Variants in NTRK3 observed in about 807,000 individuals in gnomAD.
The protein encoded by NTRK3 is neurotrophic receptor tyrosine kinase 3.
A neutral mutation model predicts 91.7 loss-of-function variants in NTRK3; 24 were observed. The observed-to-expected ratio is 0.26, with a 90% confidence interval of 0.19 to 0.37. NTRK3 has a LOEUF of 0.37. Ranked by LOEUF, NTRK3 falls within the 10% of genes least tolerant of loss-of-function variation. NTRK3 has a pLI of 1.00. For synonymous variants in NTRK3, 483 were observed against 404.0 expected (o/e 1.20, Z -2.34); for missense variants, 880 against 1,068.9 (o/e 0.82, Z 2.46).
intron 14 of NTRK3, among the ~76,000 whole-genome samples, chr15:88,030,555 G>C (rs1283056107): frequency 6.6e-6 from 1 of 152,170 alleles, no homozygotes; most frequent in Non-Finnish European, 1.5e-5. Flanking sequence ...CAGGAATCCA[G>C]AGCTTCCACT....
chr15:88,192,847 C>A (rs2047523281), intron 3 of NTRK3, among the ~76,000 whole-genome samples: 1 of 152,164 alleles, frequency 6.6e-6, no homozygotes, highest in Non-Finnish European at 1.5e-5. Context: ...GAAGCCTGCC[C>A]TGACCCCACT....
At chr15:88,042,528 T>C (rs1158269510) in intron 13 of NTRK3, among the ~76,000 whole-genome samples, 1 of 152,196 alleles carries the variant, frequency 6.6e-6, no homozygotes, top group African/African-American at 2.4e-5. Flanking sequence ...TCCGCTCCTC[T>C]CCCTGAATCA....
chr15:88,080,222 T>C (rs1048784725), intron 13 of NTRK3, among the ~76,000 whole-genome samples: 2 of 152,228 alleles, frequency 1.3e-5, no homozygotes, highest in Admixed American at 6.5e-5. Context: ...GTAAGTAACA[T>C]GCCAAAACAT....
At chr15:88,236,723 G>A (rs1224699638) in intron 3 of NTRK3, among the ~76,000 whole-genome samples, 8 of 139,924 alleles carry the variant, frequency 5.7e-5, no homozygotes, top group African/African-American at 1.1e-4. Context: ...CTATAAATTC[G>A]CCCATGAAAC....
chr15:88,069,294 T>C (rs1420546124), intron 13 of NTRK3, among the ~76,000 whole-genome samples: 2 of 152,204 alleles, frequency 1.3e-5, no homozygotes, highest in African/African-American at 4.8e-5. Context: ...GAGCTCATGG[T>C]AGAGCACCCC....
intron 14 of NTRK3, among the ~76,000 whole-genome samples, chr15:87,949,424 G>A (rs1431517594): frequency 1.3e-5 from 2 of 151,986 alleles, no homozygotes; most frequent in East Asian, 1.9e-4. Flanking sequence ...TGCACCCTTA[G>A]GCTAGAGGTA....
chr15:87,914,389 C>G (rs1374171095), intron 17 of NTRK3, among the ~76,000 whole-genome samples: 1 of 152,138 alleles, frequency 6.6e-6, no homozygotes, highest in Non-Finnish European at 1.5e-5. Context: ...TTGGTGATAC[C>G]AGTGCATCTT....
chr15:88,197,855 C>T (rs1166777553), intron 3 of NTRK3, among the ~76,000 whole-genome samples: 4 of 152,120 alleles, frequency 2.6e-5, no homozygotes, highest in Non-Finnish European at 2.9e-5. Flanking sequence ...CTTCCCTGTA[C>T]TATTTTTGGA....
intron 13 of NTRK3, among the ~76,000 whole-genome samples, chr15:88,033,328 T>C (rs1487696935): frequency 6.7e-6 from 1 of 149,760 alleles, no homozygotes; most frequent in Non-Finnish European, 1.5e-5. Flanking sequence ...TTCTTTTAAA[T>C]GAAATAGAGT....
intron 5 of NTRK3, among the ~76,000 whole-genome samples, chr15:88,173,836 C>A (rs1013881417): frequency 6.6e-6 from 1 of 152,244 alleles, no homozygotes; most frequent in Non-Finnish European, 1.5e-5. Flanking sequence ...GGCAAGCAAC[C>A]TGGAGTTGGT....
intron 13 of NTRK3, among the ~76,000 whole-genome samples, chr15:88,121,977 C>T (rs2052759988): frequency 6.6e-6 from 1 of 152,204 alleles, no homozygotes; most frequent in African/African-American, 2.4e-5. Context: ...TGAGACAAAG[C>T]ATGTTCGGTT....
At chr15:87,895,908 A>C (rs918655308) in intron 17 of NTRK3, among the ~76,000 whole-genome samples, 1 of 151,950 alleles carries the variant, frequency 6.6e-6, no homozygotes. Flanking sequence ...CCAGATCTTC[A>C]GATAAATTCA....
In NTRK3 at chr15:88,114,598, G is replaced by C. The variant is rs1172336885; in HGVS notation, c.1396+11673C>G. On this transcript the variant is annotated intron_variant, in intron 13 of 18. Transcript: ENST00000394480. ...TGATACTAACTCATCTCAAAGACAG[G>C]CTGTTAGCAGAAATAATGTGGCACA... Among the ~76,000 whole-genome samples, 3 of 152,164 alleles carry C rather than the reference G, an allele frequency of 2.0e-5. No homozygotes were observed. In the East Asian group the frequency reaches 5.8e-4, roughly 29 times the overall value.
chr15:88,172,621 A>C (rs2045621283), intron 5 of NTRK3, among the ~76,000 whole-genome samples: 1 of 152,236 alleles, frequency 6.6e-6, no homozygotes, highest in African/African-American at 2.4e-5. Context: ...CAGAAAGAAC[A>C]GTCTCCAAGA....
intron 6 of NTRK3, among the ~76,000 whole-genome samples, chr15:88,142,314 G>C (rs989226818): frequency 1.3e-5 from 2 of 152,224 alleles, no homozygotes; most frequent in East Asian, 3.9e-4. Flanking sequence ...TAATAATACA[G>C]CAGCAGCTGC....
rs913854524 is a variant in NTRK3 at position 88,233,474 on chromosome 15, T to G, written c.248+22432A>C. Among the ~76,000 whole-genome samples, 8 of 152,062 alleles carry G rather than the reference T, an allele frequency of 5.3e-5. No individual in the cohort carries two copies. Among genetic ancestry groups the G allele is most frequent in the Non-Finnish European group, 7.4e-5 (5 of 68,006 alleles). On this transcript the variant is annotated intron_variant, in intron 3 of 18. Transcript: ENST00000394480. This position sits in a 1 kb window ranked among gnomAD's most constrained non-coding sequence, Gnocchi z 4.2. ...TGGCACCCCACGAAAGTTAGCACAC[T>G]GAAACCACAGTTAGCATCCTCGAAA...
chr15:88,145,222 A>C (rs1209163485), intron 6 of NTRK3, among the ~76,000 whole-genome samples: 1 of 152,178 alleles, frequency 6.6e-6, no homozygotes, highest in Non-Finnish European at 1.5e-5. Flanking sequence ...TTTGGATTTT[A>C]ATCATAACCA....
At chr15:88,173,219 T>C (rs1468698534) in intron 5 of NTRK3, among the ~76,000 whole-genome samples, 2 of 152,134 alleles carry the variant, frequency 1.3e-5, no homozygotes, top group African/African-American at 4.8e-5. Flanking sequence ...CATGGCTGGA[T>C]TGTACTAGGA....
chr15:88,032,158 G>C (rs868091452), intron 14 of NTRK3, among the ~76,000 whole-genome samples: 1 of 152,116 alleles, frequency 6.6e-6, no homozygotes, highest in Non-Finnish European at 1.5e-5. Context: ...CACACAGCAG[G>C]AGGAACCCTG....
Sources: allele counts gnomAD v4.1 joint callset (sites outside exome capture counted in the v4.1 genomes callset), GRCh38; gene constraint gnomAD v4.1.1; non-coding constraint Gnocchi (gnomAD v3.1); transcripts MANE v1.5; gene names NCBI Gene and HGNC (gene_info 2026-07-23, HGNC 2026-07-21).